ZNF676: variants seen among roughly 807,000 people sequenced by gnomAD.
The protein encoded by ZNF676 is zinc finger protein 676.
ZNF676 carries 4 observed loss-of-function variants against 6.0 expected under a neutral mutation model. That is an observed-to-expected ratio of 0.67 (90% CI 0.33 to 1.53). ZNF676 has a LOEUF of 1.53. Ranked by LOEUF, ZNF676 falls within the 40% of genes most tolerant of loss-of-function variation. ZNF676 has a pLI of 0.06. For missense variants in ZNF676, 644 were observed against 679.7 expected, an observed-to-expected ratio of 0.95 and a Z score of 0.58; for synonymous variants, 198 against 223.1, an observed-to-expected ratio of 0.89 and a Z score of 1.00.
intron 2 of ZNF676, among the ~76,000 whole-genome samples, chr19:22,184,934 G>T (rs2023814503): frequency 6.6e-6 from 1 of 151,610 alleles, no homozygotes; most frequent in Non-Finnish European, 1.5e-5. Context: ...ACAGCTGGGA[G>T]CACAGCTTCA....
rs747907955 is a variant in ZNF676, at chr19:22,193,038, A to G, written c.108T>C (p.His36=). 5 of 1,609,548 alleles carry G rather than the reference A, an allele frequency of 3.1e-6. No homozygotes were observed. Among genetic ancestry groups the G allele is most frequent in the Non-Finnish European group, 2.5e-6 (3 of 1,178,242 alleles). Residue 36 remains histidine (H), a synonymous_variant, in exon 2 of 3, where the codon CAT becomes CAC. Coordinates refer to ENST00000397121, the MANE Select transcript of ZNF676 (RefSeq NM_001001411.3). ...QGKEPWNMKR[H]EMVEEPPVIC... ...TACCTGGGGGTTCTTCCACCATCTC[A>G]TGTCTCTTCATATTCCAGGGCTCTT... is the stretch of plus-strand genomic sequence containing the variant.
chr19:22,239,422 C>T, the ZNF676 span, among the ~76,000 whole-genome samples: 1 of 151,840 alleles, frequency 6.6e-6, no homozygotes, highest in Non-Finnish European at 1.5e-5. Flanking sequence ...CCTCATGATC[C>T]GCCCACCTCG....
the ZNF676 span, among the ~76,000 whole-genome samples, chr19:22,238,346 C>G: frequency 2.0e-5 from 3 of 152,094 alleles, no homozygotes; most frequent in Non-Finnish European, 4.4e-5. Context: ...CCACCATGCT[C>G]AGCTGGTGAA....
At chr19:22,239,197 A>ATTTTT in the ZNF676 span, among the ~76,000 whole-genome samples, 5 of 130,092 alleles carry the variant, frequency 3.8e-5, no homozygotes, top group African/African-American at 1.3e-4. Context: ...CCAACTGTGA[A>ATTTTT]TTTTTTTTTT....
At chr19:22,253,406 A>G in the ZNF676 span, among the ~76,000 whole-genome samples, 33 of 70,646 alleles carry the variant, frequency 4.7e-4, no homozygotes, top group South Asian at 1.3e-3. Context: ...GATAATGTGT[A>G]TATATATATA....
the ZNF676 span, among the ~76,000 whole-genome samples, chr19:22,241,926 T>C: frequency 6.6e-6 from 1 of 151,694 alleles, no homozygotes; most frequent in Non-Finnish European, 1.5e-5. Flanking sequence ...GTGAATGCAA[T>C]AATCCTAATA....
the ZNF676 span, among the ~76,000 whole-genome samples, chr19:22,242,788 T>A: frequency 6.7e-6 from 1 of 150,238 alleles, no homozygotes; most frequent in Non-Finnish European, 1.5e-5. Context: ...AGGAATAAGG[T>A]AAGAGTCAGG....
At chr19:22,234,021 T>C in the ZNF676 span, among the ~76,000 whole-genome samples, 3 of 152,322 alleles carry the variant, frequency 2.0e-5, no homozygotes, top group African/African-American at 7.2e-5. Context: ...GGCAATCCAG[T>C]CAAACCATTG....
chr19:22,216,182 C>T (rs2024187300), upstream of ZNF676, among the ~76,000 whole-genome samples: 1 of 152,172 alleles, frequency 6.6e-6, no homozygotes, highest in Non-Finnish European at 1.5e-5. Context: ...CGCCTTTAAT[C>T]CCATCAGTTT....
the ZNF676 span, among the ~76,000 whole-genome samples, chr19:22,238,139 A>G: frequency 6.6e-6 from 1 of 151,736 alleles, no homozygotes; most frequent in South Asian, 2.1e-4. Flanking sequence ...TCAAACCTCC[A>G]CCTCCCAGTT....
the ZNF676 span, among the ~76,000 whole-genome samples, chr19:22,241,585 A>G: frequency 6.6e-6 from 1 of 151,864 alleles, no homozygotes; most frequent in Non-Finnish European, 1.5e-5. Flanking sequence ...GAGTGTCACA[A>G]TATTACCTGT....
At chr19:22,215,911 C>T (rs2024182449), upstream of ZNF676, among the ~76,000 whole-genome samples, 1 of 152,072 alleles carries the variant, frequency 6.6e-6, no homozygotes, top group Non-Finnish European at 1.5e-5. Context: ...TGATCAGATG[C>T]TGGGCTGAAT....
intron 1 of ZNF676, among the ~76,000 whole-genome samples, chr19:22,211,116 A>G (rs1385384431): frequency 6.8e-6 from 1 of 147,234 alleles, no homozygotes; most frequent in African/African-American, 2.5e-5. Context: ...TTTAATGTAC[A>G]TCTAGCTGGT....
At chr19:22,247,283 G>A in the ZNF676 span, among the ~76,000 whole-genome samples, 3 of 152,272 alleles carry the variant, frequency 2.0e-5, no homozygotes. Flanking sequence ...TAAGGGGTTG[G>A]CCAGGCACGG....
the ZNF676 span, among the ~76,000 whole-genome samples, chr19:22,235,720 C>G: frequency 1.3e-5 from 2 of 152,028 alleles, no homozygotes; most frequent in Admixed American, 1.3e-4. Context: ...TTTGCAAAAG[C>G]AAAAAGCGAT....
chr19:22,258,987 T>A, the ZNF676 span, among the ~76,000 whole-genome samples: 1 of 152,198 alleles, frequency 6.6e-6, no homozygotes, highest in African/African-American at 2.4e-5. Context: ...TCCTGCACGC[T>A]GGGTGTCCTT....
At chr19:22,239,759 G>A in the ZNF676 span, among the ~76,000 whole-genome samples, 1 of 151,984 alleles carries the variant, frequency 6.6e-6, no homozygotes. Flanking sequence ...CCCTTTTTTG[G>A]GCATGTCTCC....
rs757457501 is a variant in ZNF676, at chr19:22,179,965, A to G, written c.1752T>C (p.Thr584=). The change falls in exon 3 of 3, where the codon ACT becomes ACC. Residue 584 remains threonine (T), a synonymous_variant. Transcript: ENST00000397121. ...STVSYHKKIH[T]GENP ...CTTCACATTTTTAGGGATTCTCTCC[A>G]GTATGAATTTTCTTATGATAACTAA... 1.2e-6 allele frequency: 2 copies of G among 1,613,288 alleles called. No homozygotes were observed. Among genetic ancestry groups the G allele is most frequent in the Non-Finnish European group, 1.7e-6 (2 of 1,179,662 alleles).
At chr19:22,219,535 G>A (rs184100820), upstream of ZNF676, among the ~76,000 whole-genome samples, 154 of 152,234 alleles carry the variant, frequency 1.0e-3, no homozygotes, top group African/African-American at 3.4e-3. Context: ...CTTTGGCTAA[G>A]ACATCCATTA....
Sources: allele counts gnomAD v4.1 joint callset (sites outside exome capture counted in the v4.1 genomes callset), GRCh38; gene constraint gnomAD v4.1.1; transcripts MANE v1.5; gene names NCBI Gene and HGNC (gene_info 2026-07-23, HGNC 2026-07-21).